Variants in CADPS2 observed in about 807,000 individuals in gnomAD.
CADPS2 encodes the protein calcium-dependent secretion activator 2.
Under a neutral mutation model 172.5 loss-of-function variants are expected in CADPS2, and 93 were observed. The ratio of observed to expected loss-of-function variants is 0.54; its 90% confidence interval spans 0.46 to 0.64. The LOEUF (loss-of-function observed/expected upper bound fraction) is 0.64, where lower values mean the gene tolerates loss of function less well. Ranked by LOEUF, CADPS2 falls within the 30% of genes least tolerant of loss-of-function variation. CADPS2 has a pLI of 0.00. For synonymous variants in CADPS2, 546 were observed against 555.2 expected, an observed-to-expected ratio of 0.98 and a Z score of 0.23; for missense variants, 1,420 against 1,565.9, an observed-to-expected ratio of 0.91 and a Z score of 1.57.
chr7:122,808,275 T>C (rs1432760290), intron 1 of CADPS2, among the ~76,000 whole-genome samples: 1 of 152,234 alleles, frequency 6.6e-6, no homozygotes, highest in African/African-American at 2.4e-5. Flanking sequence ...CAACATTCTA[T>C]GTTCATGTTT....
At chr7:122,760,540 A>G (rs1348486096) in intron 1 of CADPS2, among the ~76,000 whole-genome samples, 2 of 152,032 alleles carry the variant, frequency 1.3e-5, no homozygotes, top group Non-Finnish European at 1.5e-5. Context: ...TAATGTAGAG[A>G]GTTCAGTACC....
At chr7:122,364,457 T>C (rs981945791) in intron 25 of CADPS2, among the ~76,000 whole-genome samples, 1 of 142,474 alleles carries the variant, frequency 7.0e-6, no homozygotes, top group African/African-American at 2.6e-5. Flanking sequence ...CCAGGTGCCG[T>C]GGCTCACGGC....
intron 7 of CADPS2, among the ~76,000 whole-genome samples, chr7:122,565,890 A>T (rs1415704659): frequency 6.6e-6 from 1 of 152,168 alleles, no homozygotes; most frequent in East Asian, 1.9e-4. Context: ...GGACTGATTC[A>T]TCTTAACGAA....
At position 122,404,825 on chromosome 7, in the gene CADPS2, T is replaced by TA. The variant is rs775979742; in HGVS notation, c.2746+2714dup. 3.7e-4 allele frequency among the ~76,000 whole-genome samples: 57 copies of TA among 152,088 alleles called. 1 individual carries two copies. The highest frequency in any genetic ancestry group is 6.5e-5 in the Admixed American group (1 of 15,272). On this transcript the variant is annotated intron_variant, in intron 20 of 29. Coordinates refer to ENST00000449022, the MANE Select transcript of CADPS2 (RefSeq NM_017954.11). ...TTCATTCAAATAGAGAAAACAGTGT[T>TA]AAAAAATATCTTACATATGGCCGGG... is the stretch of plus-strand genomic sequence containing the variant.
At chr7:122,554,777 G>GA (rs1487708932) in intron 7 of CADPS2, 88 bp from the exon 8 acceptor site, 7 of 1,218,564 alleles carry the variant, frequency 5.7e-6, no homozygotes, top group Non-Finnish European at 7.6e-6. Flanking sequence ...TTTCCTGTTT[G>GA]AAAAAATGAT....
At chr7:122,388,777 GT>G (rs1473011926) in intron 22 of CADPS2, 39 bp from the exon 23 acceptor site, 9 of 1,550,380 alleles carry the variant, frequency 5.8e-6, no homozygotes, top group Non-Finnish European at 7.9e-6. Flanking sequence ...TGAACTCCCC[GT>G]TAATTAGGTA....
rs145539802 is a variant in CADPS2, at chr7:122,446,184, A to G, written c.2289-4609T>C. ...CTAATACATTTGGTTTACTAATTCT[A>G]TATTTTGTGTCTTCTCAGTTTTGCT... On this transcript the variant is annotated intron_variant, in intron 15 of 29. Coordinates refer to ENST00000449022, the MANE Select transcript of CADPS2 (RefSeq NM_017954.11). Among the ~76,000 whole-genome samples, 11 of 152,200 alleles carry G rather than the reference A, an allele frequency of 7.2e-5. No homozygotes were observed. In the East Asian group the frequency reaches 1.9e-3, roughly 27 times the overall value.
In CADPS2 at chr7:122,629,325, C is replaced by A; in HGVS notation, c.790G>T (p.Asp264Tyr). 1.2e-6 allele frequency: 2 copies of A among 1,604,458 alleles called. No individual in the cohort carries two copies. The highest frequency in any genetic ancestry group is 8.5e-7 in the Non-Finnish European group (1 of 1,175,142). Reference protein sequence around the residue: ...HQLLYNACQLDNADEQAAQIR... With the variant: ...HQLLYNACQLYNADEQAAQIR... ...TGGGCTGCTTGTTCATCTGCGTTAT[C>A]CAGCTTAAAAATAAAACAGAAGTTA... Residue 264 changes from aspartate to tyrosine, a missense_variant, in exon 4 of 30, where the codon GAT becomes TAT. Coordinates refer to ENST00000449022, the MANE Select transcript of CADPS2 (RefSeq NM_017954.11).
At chr7:122,693,543 T>G (rs1039440465) in intron 2 of CADPS2, among the ~76,000 whole-genome samples, 1 of 152,156 alleles carries the variant, frequency 6.6e-6, no homozygotes, top group Non-Finnish European at 1.5e-5. Flanking sequence ...AAACTATCAA[T>G]GCCTGGGTCC....
chr7:122,480,706 G>T, intron 12 of CADPS2, 146 bp downstream of exon 12: 3 of 520,730 alleles, frequency 5.8e-6, no homozygotes, highest in East Asian at 3.3e-5. Context: ...TTTTTGTTTT[G>T]TAATCAATAA....
chr7:122,571,022 TTA>T, intron 7 of CADPS2, among the ~76,000 whole-genome samples: 1 of 151,970 alleles, frequency 6.6e-6, no homozygotes, highest in East Asian at 1.9e-4. Flanking sequence ...ACCCTAAAAC[TTA>T]AAGTATAATA....
At chr7:122,455,415 T>A (rs906786609) in intron 14 of CADPS2, among the ~76,000 whole-genome samples, 6 of 151,056 alleles carry the variant, frequency 4.0e-5, no homozygotes, top group African/African-American at 1.2e-4. Flanking sequence ...TATTAAATAA[T>A]AATATTTAAT....
At chr7:122,531,121 A>G (rs2061714950) in intron 8 of CADPS2, among the ~76,000 whole-genome samples, 1 of 152,224 alleles carries the variant, frequency 6.6e-6, no homozygotes, top group Non-Finnish European at 1.5e-5. Flanking sequence ...AGAATCCATC[A>G]GTGACAGCAA....
chr7:122,324,535 G>C (rs547820996), intron 29 of CADPS2, among the ~76,000 whole-genome samples: 1 of 152,082 alleles, frequency 6.6e-6, no homozygotes, highest in Non-Finnish European at 1.5e-5. Context: ...AAGAATTTGT[G>C]GTTCTAACAA....
intron 8 of CADPS2, among the ~76,000 whole-genome samples, chr7:122,524,770 A>G (rs1232418968): frequency 6.6e-6 from 1 of 152,200 alleles, no homozygotes; most frequent in Non-Finnish European, 1.5e-5. Flanking sequence ...CTGGGTTTTT[A>G]CATTGTTTGG....
intron 1 of CADPS2, among the ~76,000 whole-genome samples, chr7:122,810,567 T>G (rs1392209395): frequency 6.6e-6 from 1 of 152,206 alleles, no homozygotes; most frequent in African/African-American, 2.4e-5. Flanking sequence ...TTCCAGGAGC[T>G]GATTCCCAAC....
intron 1 of CADPS2, among the ~76,000 whole-genome samples, chr7:122,791,707 T>C (rs970360163): frequency 2.6e-5 from 4 of 152,192 alleles, no homozygotes; most frequent in Admixed American, 6.6e-5. Context: ...AATTTGAGCT[T>C]AAAATTTTAA....
chr7:122,678,162 A>G (rs1014248774), intron 2 of CADPS2, among the ~76,000 whole-genome samples: 4 of 152,214 alleles, frequency 2.6e-5, no homozygotes, highest in African/African-American at 9.6e-5. Flanking sequence ...CCAGTGTGGG[A>G]TGAAGTTTTC....
chr7:122,740,465 GTACGAC>G (rs1199171160), intron 1 of CADPS2, among the ~76,000 whole-genome samples: 1 of 152,104 alleles, frequency 6.6e-6, no homozygotes, highest in African/African-American at 2.4e-5. Context: ...GCTACATACT[GTACGAC>G]TCCAACGATA....
Sources: gnomAD v4.1 joint callset for allele counts (sites outside exome capture counted in the v4.1 genomes callset) on GRCh38, gnomAD v4.1.1 for gene constraint, MANE v1.5 for transcripts, NCBI Gene and HGNC (gene_info 2026-07-23, HGNC 2026-07-21) for gene names.